Variants in CPM observed in about 807,000 individuals in gnomAD.
CPM encodes renal carboxypeptidase.
In CPM, 35 loss-of-function variants were observed where a neutral mutation model predicts 46.4. The ratio of observed to expected loss-of-function variants is 0.75; its 90% confidence interval spans 0.58 to 1.00. CPM has a LOEUF of 1.00. Ranked by LOEUF, CPM falls within the 50% of genes least tolerant of loss-of-function variation. The probability of loss-of-function intolerance (pLI) is 0.00; values close to 1 mark genes in which losing one functional copy is unlikely to be tolerated. For synonymous variants in CPM, 195 were observed against 195.3 expected, an observed-to-expected ratio of 1.00 and a Z score of 0.01; for missense variants, 422 against 530.4, an observed-to-expected ratio of 0.80 and a Z score of 2.01.
chr12:68,910,566 T>A (rs534305270), intron 2 of CPM, among the ~76,000 whole-genome samples: 30 of 152,334 alleles, frequency 2.0e-4, no homozygotes, highest in Non-Finnish European at 3.8e-4. Flanking sequence ...TTTTAAAAAA[T>A]ATCTTTATTG....
intron 2 of CPM, among the ~76,000 whole-genome samples, chr12:68,931,763 A>AAAAAAAAAAAAAAGAAAG (rs1482981614): frequency 3.8e-5 from 5 of 132,498 alleles, no homozygotes; most frequent in Non-Finnish European, 4.7e-5. Context: ...AAAAAAAAAA[A>AAAAAAAAAAAAAAGAAAG]AAAGAAAGAA....
upstream of CPM, among the ~76,000 whole-genome samples, chr12:68,933,677 C>T (rs1400177720): frequency 6.6e-6 from 1 of 152,186 alleles, no homozygotes; most frequent in African/African-American, 2.4e-5. Context: ...CCCGGCAGGG[C>T]GAGCCAAGCT....
intron 5 of CPM, chr12:68,845,250 T>C: frequency 4.6e-6 from 1 of 215,654 alleles, no homozygotes; most frequent in Non-Finnish European, 9.3e-6. Flanking sequence ...GTTTAAAAGT[T>C]TGTGATCATA....
intron 2 of CPM, among the ~76,000 whole-genome samples, chr12:68,896,073 A>G (rs1412097904): frequency 6.6e-6 from 1 of 152,062 alleles, no homozygotes; most frequent in Non-Finnish European, 1.5e-5. Flanking sequence ...CCCCAATCCC[A>G]TACACCAGGC....
At chr12:68,926,843 T>C (rs1482249075) in intron 2 of CPM, among the ~76,000 whole-genome samples, 4 of 152,230 alleles carry the variant, frequency 2.6e-5, no homozygotes, top group Non-Finnish European at 4.4e-5. Context: ...GATAGTTTAC[T>C]GAGAATGATG....
At chr12:68,881,022 G>C (rs984761816) in intron 3 of CPM, among the ~76,000 whole-genome samples, 2 of 152,172 alleles carry the variant, frequency 1.3e-5, no homozygotes, top group African/African-American at 4.8e-5. Context: ...TGAGGAGTGA[G>C]TTTAACTTTA....
At chr12:68,962,307 T>A (rs1274505795) in intron 1 of CPM, among the ~76,000 whole-genome samples, 1 of 152,044 alleles carries the variant, frequency 6.6e-6, no homozygotes, top group Non-Finnish European at 1.5e-5. Flanking sequence ...ACATTCACAC[T>A]GTTGTGTCAC....
At chr12:68,916,371 T>C (rs1282486933) in intron 2 of CPM, among the ~76,000 whole-genome samples, 1 of 152,208 alleles carries the variant, frequency 6.6e-6, no homozygotes, top group Non-Finnish European at 1.5e-5. Context: ...GAAACATTTC[T>C]AATAAGTTTT....
At chr12:68,919,222 C>G (rs1887936018) in intron 2 of CPM, among the ~76,000 whole-genome samples, 1 of 152,206 alleles carries the variant, frequency 6.6e-6, no homozygotes, top group African/African-American at 2.4e-5. Context: ...ACAGTAACTG[C>G]TATGTTTTAG....
intron 1 of CPM, among the ~76,000 whole-genome samples, chr12:68,962,153 TAG>T: frequency 7.0e-6 from 1 of 143,838 alleles, no homozygotes. Flanking sequence ...TGAGCCAAGA[TAG>T]CGCCACTGCA....
intron 1 of CPM, 128 bp from the exon 2 acceptor site, chr12:68,932,968 AAAAGCT>A: frequency 1.3e-5 from 10 of 799,494 alleles, no homozygotes; most frequent in Non-Finnish European, 2.0e-5. Flanking sequence ...CTAAGGAGGC[AAAAGCT>A]GGAAGCAACA....
intron 1 of CPM, among the ~76,000 whole-genome samples, chr12:68,958,281 T>C (rs1384511033): frequency 6.6e-6 from 1 of 152,222 alleles, no homozygotes; most frequent in Non-Finnish European, 1.5e-5. Context: ...TCTTTCACAA[T>C]GGTTGAACTA....
chr12:68,843,562 G>C (rs1467170370), intron 5 of CPM: 1 of 226,792 alleles, frequency 4.4e-6, no homozygotes, highest in Admixed American at 5.7e-5. Flanking sequence ...TAACCATCTT[G>C]ATTTAGTGTT....
At chr12:68,962,311 G>T (rs1192372108) in intron 1 of CPM, among the ~76,000 whole-genome samples, 1 of 151,708 alleles carries the variant, frequency 6.6e-6, no homozygotes, top group Non-Finnish European at 1.5e-5. Context: ...TCACACTGTT[G>T]TGTCACTGTT....
intron 2 of CPM, among the ~76,000 whole-genome samples, chr12:68,907,235 A>T (rs1165551707): frequency 2.6e-5 from 4 of 152,358 alleles, no homozygotes; most frequent in Non-Finnish European, 5.9e-5. Context: ...ATGAAGGCTC[A>T]TCAGAGTATA....
chr12:68,875,668 T>C (rs553846172), intron 3 of CPM, among the ~76,000 whole-genome samples: 39 of 151,518 alleles, frequency 2.6e-4, no homozygotes, highest in African/African-American at 7.3e-4. Flanking sequence ...TAGCCAGGTG[T>C]AGTGGCAGGT....
At chr12:68,961,852 T>C (rs956013834) in intron 1 of CPM, among the ~76,000 whole-genome samples, 2 of 152,192 alleles carry the variant, frequency 1.3e-5, no homozygotes. Context: ...AAATATTTGA[T>C]TATTTTTAAT....
chr12:68,954,901 C>A (rs551054648), intron 1 of CPM, among the ~76,000 whole-genome samples: 2 of 152,360 alleles, frequency 1.3e-5, no homozygotes, highest in South Asian at 2.1e-4. Context: ...CAGGTGTCTG[C>A]AGCAGAAGCC....
rs767678446 is a variant in CPM at position 68,885,828 on chromosome 12, T to C, written c.222A>G (p.Pro74=). The C allele has an allele frequency of 6.2e-7, 1 of 1,614,200 alleles. No individual in the cohort carries two copies. The highest frequency in any genetic ancestry group is 1.1e-5 in the South Asian group (1 of 91,088). Residue 74 remains proline, a synonymous_variant, in exon 3 of 9, where the codon CCA becomes CCG. Coordinates refer to ENST00000551568, the MANE Select transcript of CPM (RefSeq NM_198320.5). ...RFPKEHRIGI[P]EFKYVANMHG... is the part of the protein sequence containing the mutation. Reference sequence around the variant, plus strand: ...GCATATTTGCCACGTATTTGAACTCTGGAATCCCAATTCTGTGTTCCTTTG... The same window carrying C: ...GCATATTTGCCACGTATTTGAACTCCGGAATCCCAATTCTGTGTTCCTTTG...
Sources: allele counts gnomAD v4.1 joint callset (sites outside exome capture counted in the v4.1 genomes callset), GRCh38; gene constraint gnomAD v4.1.1; transcripts MANE v1.5; gene names NCBI Gene and HGNC (gene_info 2026-07-23, HGNC 2026-07-21).